The following HPSE2 variants were observed in gnomAD, a reference collection of about 807,000 sequenced individuals.
HPSE2 encodes the protein heparanase 2 (inactive).
A neutral mutation model predicts 60.5 loss-of-function variants in HPSE2; 38 were observed. The observed-to-expected ratio is 0.63, with a 90% CI of 0.48 to 0.82. The LOEUF (loss-of-function observed/expected upper bound fraction) is 0.82, where lower values mean the gene tolerates loss of function less well. Ranked by LOEUF, HPSE2 falls within the 40% of genes least tolerant of loss-of-function variation. The probability of loss-of-function intolerance (pLI) is 0.00; values close to 1 mark genes in which losing one functional copy is unlikely to be tolerated. For missense variants in HPSE2, 713 were observed against 740.4 expected, an observed-to-expected ratio of 0.96 and a Z score of 0.43; for synonymous variants, 295 against 293.2, an observed-to-expected ratio of 1.01 and a Z score of -0.06.
intron 2 of HPSE2, among the ~76,000 whole-genome samples, chr10:99,180,751 G>A (rs763100794): frequency 2.6e-5 from 4 of 151,820 alleles, no homozygotes; most frequent in South Asian, 2.1e-4. Context: ...TTAGCCAGGC[G>A]TGGTGATAGG....
intron 3 of HPSE2, among the ~76,000 whole-genome samples, chr10:99,011,733 C>G (rs1400118997): frequency 3.5e-5 from 4 of 114,014 alleles, no homozygotes; most frequent in Non-Finnish European, 6.6e-5. Context: ...TCCAGCCTGG[C>G]GACAGAGCAA....
At chr10:99,082,086 A>G (rs1843164234) in intron 3 of HPSE2, among the ~76,000 whole-genome samples, 2 of 152,194 alleles carry the variant, frequency 1.3e-5, no homozygotes. Context: ...AAAAGCAATG[A>G]CATAATCTGT....
At chr10:98,730,100 A>C (rs1270394189) in intron 4 of HPSE2, among the ~76,000 whole-genome samples, 1 of 152,184 alleles carries the variant, frequency 6.6e-6, no homozygotes, top group African/African-American at 2.4e-5. Flanking sequence ...ATTGTAAGAC[A>C]TAAAACAAAT....
At chr10:98,712,044 A>G (rs930702747) in intron 5 of HPSE2, among the ~76,000 whole-genome samples, 6 of 151,994 alleles carry the variant, frequency 3.9e-5, no homozygotes, top group Non-Finnish European at 8.8e-5. Flanking sequence ...CTTGGAGGGG[A>G]AAGCAGGGTT....
intron 3 of HPSE2, among the ~76,000 whole-genome samples, chr10:99,110,246 A>T (rs770790856): frequency 1.3e-5 from 2 of 152,164 alleles, no homozygotes; most frequent in Admixed American, 6.5e-5. Context: ...TGAAAAAGAG[A>T]CTGCATTAGC....
At chr10:98,782,901 C>A (rs1415890530) in intron 3 of HPSE2, among the ~76,000 whole-genome samples, 1 of 50,988 alleles carries the variant, frequency 2.0e-5, no homozygotes, top group Non-Finnish European at 5.3e-5. Context: ...GGTCTACTTC[C>A]CTGTTTGTTT....
chr10:98,696,785 C>T (rs113662349), intron 5 of HPSE2, among the ~76,000 whole-genome samples: 2 of 152,160 alleles, frequency 1.3e-5, no homozygotes, highest in Admixed American at 1.3e-4. Flanking sequence ...ACACTAAGCT[C>T]CCAGGGTGGG....
chr10:98,620,223 A>G (rs76462788), intron 8 of HPSE2, among the ~76,000 whole-genome samples: 2 of 152,250 alleles, frequency 1.3e-5, no homozygotes, highest in African/African-American at 4.8e-5. Flanking sequence ...TCCATCAATC[A>G]TATTTTTTTC....
At chr10:98,737,380 T>C (rs1949385000) in intron 4 of HPSE2, among the ~76,000 whole-genome samples, 1 of 139,130 alleles carries the variant, frequency 7.2e-6, no homozygotes, top group African/African-American at 2.6e-5. Context: ...AGGTGATTTC[T>C]GCATTTCCAA....
intron 6 of HPSE2, among the ~76,000 whole-genome samples, chr10:98,656,189 C>T (rs1424344272): frequency 6.6e-6 from 1 of 151,714 alleles, no homozygotes; most frequent in Non-Finnish European, 1.5e-5. Context: ...CAGGTTTAAG[C>T]GATTTTCCTT....
intron 2 of HPSE2, among the ~76,000 whole-genome samples, chr10:99,220,321 T>C (rs994234221): frequency 3.3e-5 from 5 of 152,268 alleles, no homozygotes; most frequent in African/African-American, 1.2e-4. Flanking sequence ...AAACAGGTCC[T>C]CTGCATATAT....
chr10:99,008,902 C>T (rs188332359), intron 3 of HPSE2, among the ~76,000 whole-genome samples: 1 of 152,070 alleles, frequency 6.6e-6, no homozygotes, highest in Non-Finnish European at 1.5e-5. Context: ...GAGTTCAGTC[C>T]TATTTCTAAA....
intron 3 of HPSE2, among the ~76,000 whole-genome samples, chr10:98,849,014 GA>G (rs1952102214): frequency 7.5e-6 from 1 of 132,658 alleles, no homozygotes; most frequent in Non-Finnish European, 1.6e-5. Flanking sequence ...GAGTGGGAAA[GA>G]CAAAAAAAAA....
the HPSE2 span, among the ~76,000 whole-genome samples, chr10:99,281,580 T>C: frequency 6.6e-6 from 1 of 152,130 alleles, no homozygotes; most frequent in Non-Finnish European, 1.5e-5. Context: ...TTATTATCTA[T>C]TTTCTGAAAA....
chr10:98,937,583 G>A (rs1954842910), intron 3 of HPSE2, among the ~76,000 whole-genome samples: 2 of 143,778 alleles, frequency 1.4e-5, no homozygotes, highest in African/African-American at 2.8e-5. Context: ...AAGCAGCCTG[G>A]AAGCTCGAAC....
intron 10 of HPSE2, among the ~76,000 whole-genome samples, chr10:98,487,939 G>A (rs916430896): frequency 2.0e-5 from 3 of 152,194 alleles, no homozygotes; most frequent in South Asian, 4.1e-4. Flanking sequence ...AGCCAGCTCC[G>A]TGCATTCACT....
chr10:99,210,210 A>G (rs1848910594), intron 2 of HPSE2, among the ~76,000 whole-genome samples: 1 of 152,210 alleles, frequency 6.6e-6, no homozygotes, highest in Admixed American at 6.5e-5. Context: ...ACAACCTACC[A>G]AGACTGAATC....
rs768151491 is a variant in HPSE2 at position 98,744,043 on chromosome 10, G to T, written c.624C>A (p.Asp208Glu). Residue 208 changes from aspartate to glutamate, a missense_variant, in exon 4 of 12, where the codon GAC (aspartate) becomes GAA (glutamate). Transcript: ENST00000370552. ...AGCAATCAGCAAAGTTATAAAGTTTGTCTAGAGACCTGGCTGGGAAGAAGC... is the reference window on the plus strand; with the variant it reads ...AGCAATCAGCAAAGTTATAAAGTTTTTCTAGAGACCTGGCTGGGAAGAAGC... ...SNLILTARSL[D>E]KLYNFADCSG... is the part of the protein sequence containing the mutation. 1.2e-6 allele frequency: 2 copies of T among 1,614,066 alleles called. No individual in the cohort carries two copies. The highest frequency in any genetic ancestry group is 2.2e-5 in the South Asian group (2 of 91,078).
At chr10:99,017,488 T>G (rs1031464898) in intron 3 of HPSE2, among the ~76,000 whole-genome samples, 8 of 152,178 alleles carry the variant, frequency 5.3e-5, no homozygotes, top group African/African-American at 1.9e-4. Flanking sequence ...TAAGTTGTCT[T>G]TTTTTGTTGG....
Sources: allele counts gnomAD v4.1 joint callset (sites outside exome capture counted in the v4.1 genomes callset), GRCh38; gene constraint gnomAD v4.1.1; transcripts MANE v1.5; gene names NCBI Gene and HGNC (gene_info 2026-07-23, HGNC 2026-07-21).